Variants in RIPOR1 observed in about 807,000 individuals in gnomAD.
RIPOR1 encodes RHO family interacting cell polarization regulator 1.
A neutral mutation model predicts 116.5 loss-of-function variants in RIPOR1; 58 were observed. That is an observed-to-expected ratio of 0.50 (90% CI 0.40 to 0.62). The LOEUF is 0.62. Ranked by LOEUF, RIPOR1 falls within the 20% of genes least tolerant of loss-of-function variation. RIPOR1 has a pLI of 0.00. For synonymous variants in RIPOR1, 605 were observed against 650.0 expected (o/e 0.93, Z 1.05); for missense variants, 1,372 against 1,586.2 (o/e 0.86, Z 2.29).
intron 1 of RIPOR1, among the ~76,000 whole-genome samples, chr16:67,533,664 C>G (rs1416512062): frequency 6.6e-6 from 1 of 151,856 alleles, no homozygotes; most frequent in African/African-American, 2.4e-5. Context: ...GAAACTGGAC[C>G]AGGGTGGGAA....
intron 4 of RIPOR1, 158 bp downstream of exon 4, chr16:67,539,226 C>A: frequency 1.5e-6 from 1 of 648,008 alleles, no homozygotes; most frequent in Non-Finnish European, 2.6e-6. Context: ...TTTCTATCCC[C>A]AAACTTTGCT....
Position 67,531,594 on chromosome 16 carries a change from A to C in RIPOR1, c.-24+2680A>C. 2.2e-6 allele frequency: 1 copy of C among 454,810 alleles called. No homozygotes were observed. 28.2% of individuals were successfully genotyped at this position (454,810 alleles called of 1,614,324 possible). ...GTAGTGGGAAGAAGGAATAGGAGCG[A>C]TGGGGGCTGCCGGTCAGATTCTGAA... On this transcript the variant is annotated intron_variant, in intron 1 of 21. Transcript: ENST00000042381. This position sits in a 1 kb window ranked among gnomAD's most constrained non-coding sequence, Gnocchi z 4.2.
rs1567576877 is a variant in RIPOR1, at chr16:67,543,575, G to T, written c.2600+106G>T. 2 of 1,488,080 alleles carry T rather than the reference G, an allele frequency of 1.3e-6. No homozygotes were observed. Among genetic ancestry groups the T allele is most frequent in the South Asian group, 1.3e-5 (1 of 79,280 alleles). The allele number at this position is 1,488,080 out of a possible 1,614,324, so 92.2% of individuals were successfully genotyped here. On this transcript the variant is annotated intron_variant, in intron 14 of 21. Transcript: ENST00000042381. The surrounding 1 kb of genome is among the most constrained non-coding windows in gnomAD (Gnocchi z 4.7). ...GAATTGGGAGAAAGTCAAAGGACAG[G>T]ACAGGTGAGGCAGGGCCAGGTGGAG...
chr16:67,537,439 G>C lies in RIPOR1; in HGVS notation c.-23-985G>C. On this transcript the variant is annotated intron_variant, in intron 1 of 21. Transcript: ENST00000042381. The surrounding 1 kb of genome is among the most constrained non-coding windows in gnomAD (Gnocchi z 4.6). ...CTGAGTCAGGCGGCAGGAACTGGGC[G>C]GGGGGCGGCGCCGGGAGGAGCCGAA... 1 of 1,241,544 alleles carries C rather than the reference G, an allele frequency of 8.1e-7. No homozygotes were observed. The allele number at this position is 1,241,544 out of a possible 1,614,324, so 76.9% of individuals were successfully genotyped here. A position where few individuals can be genotyped will look rare whatever the true frequency, so the allele number is the denominator to read the frequency against.
intron 1 of RIPOR1, 181 bp from the exon 2 acceptor site, chr16:67,538,243 G>C (rs1013457414): frequency 1.5e-6 from 1 of 660,802 alleles, no homozygotes; most frequent in African/African-American, 1.9e-5. Context: ...CCGAGGCCGA[G>C]TCGCCTGCGG....
At position 67,540,567 on chromosome 16, in the gene RIPOR1, C is replaced by T. The variant is rs368833107; in HGVS notation, c.676-12C>T. ...CAACACCTAGGCTGCCTCATCCTAC[C>T]TGTTCCCCCAGATCTGCATGAAATA... On this transcript the variant is annotated splice_polypyrimidine_tract_variant and intron_variant, in intron 9 of 21. Coordinates refer to ENST00000042381, the MANE Select transcript of RIPOR1 (RefSeq NM_024519.4). This position sits in a 1 kb window ranked among gnomAD's most constrained non-coding sequence, Gnocchi z 4.7. The T allele has an allele frequency of 3.7e-6, 6 of 1,613,978 alleles. No homozygotes were observed. The highest frequency in any genetic ancestry group is 5.1e-6 in the Non-Finnish European group (6 of 1,179,984).
chr16:67,542,491 A>G lies in RIPOR1; in HGVS notation c.1705A>G (p.Thr569Ala). ...CAGTGCTCCAAGCCCCCTCACTCAC[A>G]CTACTACAGGCTCCACCCACAAGCC... ...THSAPSPLTH[T>A]TTGSTHKPII... The change falls in exon 13 of 22, where the codon ACT (threonine) becomes GCT (alanine). Residue 569 changes from threonine (T) to alanine (A), a missense_variant. By Grantham distance (58) the Thr-to-Ala change is moderately conservative (BLOSUM62 0). Around this residue, in one of 3 missense-constraint regions of RIPOR1, gnomAD observed 1,005 missense variants for 1,144.7 expected, o/e 0.88. Transcript: ENST00000042381. The surrounding 1 kb of genome is among the most constrained non-coding windows in gnomAD (Gnocchi z 4.6). 1 of 1,613,564 alleles carries G rather than the reference A, an allele frequency of 6.2e-7. No homozygotes were observed. Among genetic ancestry groups the G allele is most frequent in the South Asian group, 1.1e-5 (1 of 91,052 alleles).
chr16:67,523,938 A>C (rs2142393871), upstream of RIPOR1, among the ~76,000 whole-genome samples: 1 of 152,238 alleles, frequency 6.6e-6, no homozygotes, highest in South Asian at 2.1e-4. Flanking sequence ...TTGCCTCCCG[A>C]AGTGCTGAAA....
intron 4 of RIPOR1, 167 bp from the exon 5 acceptor site, chr16:67,539,561 A>G: frequency 1.2e-6 from 1 of 823,220 alleles, no homozygotes; most frequent in Non-Finnish European, 2.1e-6. Flanking sequence ...CTGTGCTACC[A>G]GCATCCACCA....
intron 20 of RIPOR1, 44 bp from the exon 21 acceptor site, chr16:67,546,097 C>T (rs1296541047): frequency 1.2e-5 from 19 of 1,609,662 alleles, no homozygotes; most frequent in Non-Finnish European, 1.6e-5. Context: ...GAAACCCTCC[C>T]ATCTGCTCCC....
At chr16:67,534,398 C>T (rs1037609433) in intron 1 of RIPOR1, among the ~76,000 whole-genome samples, 3 of 152,186 alleles carry the variant, frequency 2.0e-5, no homozygotes, top group African/African-American at 7.2e-5. Flanking sequence ...GGATTACAGG[C>T]GTAAGCCACC....
Position 67,544,802 on chromosome 16 carries a change from G to A in RIPOR1, c.2841G>A (p.Trp947Ter). The A allele has an allele frequency of 6.3e-7, 1 of 1,598,422 alleles. No homozygotes were observed. Among genetic ancestry groups the A allele is most frequent in the South Asian group, 1.1e-5 (1 of 90,400 alleles). ...CAGTATGCGAGTTCAGCAGGCGGTG[G>A]GAGATCCCGGCCAGCTCTGCCCAGG... The part of the protein sequence containing the change: ...LEAVCEFSRR[W>*]EIPASSAQEV... The change falls in exon 16 of 22, where the codon TGG becomes TGA. Residue 947 changes from tryptophan to a stop codon, truncating the protein, a stop_gained. Transcript: ENST00000042381. LOFTEE classifies it high-confidence loss of function. The surrounding 1 kb of genome is among the most constrained non-coding windows in gnomAD (Gnocchi z 5.1).
chr16:67,539,598 C>A, intron 4 of RIPOR1, 130 bp from the exon 5 acceptor site: 1 of 1,105,934 alleles, frequency 9.0e-7, no homozygotes, highest in Non-Finnish European at 1.4e-6. Context: ...GAAGGGGCGT[C>A]AGTTGCTACT....
At position 67,546,640 on chromosome 16, in the gene RIPOR1, G is replaced by A. The variant is rs1375361123; in HGVS notation, c.*177G>A. ...TTGGAGAGTCAGTGCCTGCAGTCAAGTGCCTCCCAGCCTCGGCTCAGCACA... is the reference window on the plus strand; with the variant it reads ...TTGGAGAGTCAGTGCCTGCAGTCAAATGCCTCCCAGCCTCGGCTCAGCACA... On this transcript the variant is annotated 3_prime_UTR_variant, in exon 22 of 22. Transcript: ENST00000042381. 2 of 602,198 alleles carry A rather than the reference G, an allele frequency of 3.3e-6. No individual in the cohort carries two copies. The highest frequency in any genetic ancestry group is 3.0e-5 in the Admixed American group (1 of 33,806). 37.3% of individuals were successfully genotyped at this position (602,198 alleles called of 1,614,324 possible).
In RIPOR1 at chr16:67,537,736, G is replaced by A; in HGVS notation, c.-23-688G>A. The A allele has an allele frequency of 2.0e-6, 1 of 496,150 alleles. No homozygotes were observed. Among genetic ancestry groups the A allele is most frequent in the South Asian group, 6.6e-5 (1 of 15,182 alleles). The allele number at this position is 496,150 out of a possible 1,614,324, so 30.7% of individuals were successfully genotyped here. A position where few individuals can be genotyped will look rare whatever the true frequency, so the allele number is the denominator to read the frequency against. The stretch of plus-strand genomic sequence containing the variant: ...AGCTCTCCCCGCCGATGCCGGGGTG[G>A]AGGCGCACGTCCGTGACTCAGTTTC... On this transcript the variant is annotated intron_variant, in intron 1 of 21. Transcript: ENST00000042381. The surrounding 1 kb of genome is among the most constrained non-coding windows in gnomAD (Gnocchi z 4.6).
At position 67,531,221 on chromosome 16, in the gene RIPOR1, G is replaced by GT. The variant is rs1234478313; in HGVS notation, c.-24+2308dup. On this transcript the variant is annotated intron_variant, in intron 1 of 21. Coordinates refer to ENST00000042381, the MANE Select transcript of RIPOR1 (RefSeq NM_024519.4). The surrounding 1 kb of genome is among the most constrained non-coding windows in gnomAD (Gnocchi z 4.2). Reference sequence around the variant, plus strand: ...AGGGAGAGGGAGGATTGCATGTCGGGTAGGGGAGTTGGGGTGGACATAGAC... The same window carrying GT: ...AGGGAGAGGGAGGATTGCATGTCGGGTTAGGGGAGTTGGGGTGGACATAGAC... 1.3e-5 allele frequency among the ~76,000 whole-genome samples: 2 copies of GT among 151,972 alleles called. No homozygotes were observed. The highest frequency in any genetic ancestry group is 3.9e-4 in the East Asian group (2 of 5,174).
At chr16:67,539,683 T>C (rs961324024) in intron 4 of RIPOR1, 45 bp from the exon 5 acceptor site, 7 of 1,612,886 alleles carry the variant, frequency 4.3e-6, no homozygotes, top group Non-Finnish European at 5.1e-6. Flanking sequence ...GCTGGAGTCC[T>C]CCTCATCCCT....
At position 67,541,598 on chromosome 16, in the gene RIPOR1, T is replaced by C. The variant is rs1487547415; in HGVS notation, c.950+20T>C. ...ATGGAGGTTGGTGGGGCTGAGAGGCTTGGAGGAGGGCCAGGAGGGCTGTGG... is the reference window on the plus strand; with the variant it reads ...ATGGAGGTTGGTGGGGCTGAGAGGCCTGGAGGAGGGCCAGGAGGGCTGTGG... On this transcript the variant is annotated intron_variant, in intron 11 of 21. Coordinates refer to ENST00000042381, the MANE Select transcript of RIPOR1 (RefSeq NM_024519.4). This position sits in a 1 kb window ranked among gnomAD's most constrained non-coding sequence, Gnocchi z 4.6. 6.2e-7 allele frequency: 1 copy of C among 1,614,020 alleles called. No individual in the cohort carries two copies.
At chr16:67,525,610 T>C (rs537342202), upstream of RIPOR1, among the ~76,000 whole-genome samples, 1 of 152,198 alleles carries the variant, frequency 6.6e-6, no homozygotes, top group Admixed American at 6.5e-5. Flanking sequence ...GTGTGAGGAC[T>C]GGGGGTTCAT....
Sources: gnomAD v4.1 joint callset for allele counts (sites outside exome capture counted in the v4.1 genomes callset) on GRCh38, gnomAD v4.1.1 for gene constraint, gnomAD v4.1.1 regional missense constraint, Gnocchi (gnomAD v3.1) non-coding constraint, MANE v1.5 for transcripts, NCBI Gene and HGNC (gene_info 2026-07-23, HGNC 2026-07-21) for gene names.